Variants in SC5D observed in about 807,000 individuals in gnomAD.
SC5D encodes the protein sterol-C5-desaturase, also known as lathosterol oxidase.
SC5D carries 21 observed loss-of-function variants against 23.9 expected under a neutral mutation model. The ratio of observed to expected loss-of-function variants is 0.88; its 90% CI spans 0.62 to 1.26. The LOEUF is 1.26. SC5D is among the 50% of genes most tolerant of loss of function. SC5D has a pLI of 0.00. For missense variants in SC5D, 309 were observed against 364.8 expected (o/e 0.85, Z 1.25); for synonymous variants, 113 against 125.9 (o/e 0.90, Z 0.68).
At chr11:121,306,788 G>C (rs1947969008) in intron 4 of SC5D, 1 of 618,580 alleles carries the variant, frequency 1.6e-6, no homozygotes, top group African/African-American at 1.8e-5. Context: ...CTCCCTATTG[G>C]GTACAATGTG....
At chr11:121,294,581 C>T (rs1400458009) in intron 1 of SC5D, among the ~76,000 whole-genome samples, 3 of 152,068 alleles carry the variant, frequency 2.0e-5, no homozygotes, top group African/African-American at 7.2e-5. Flanking sequence ...TTACTATCAA[C>T]TACTGTCAGT....
intron 1 of SC5D, among the ~76,000 whole-genome samples, chr11:121,295,393 A>G (rs1045613105): frequency 6.6e-6 from 1 of 152,318 alleles, no homozygotes; most frequent in East Asian, 1.9e-4. Flanking sequence ...CATTATTTTG[A>G]GTCCTTGATT....
chr11:121,297,013 T>G lies in SC5D; in HGVS notation c.-11+4197T>G, dbSNP rs147295259. ...TATATGGAATGATGCTCAACTTTAC[T>G]CATAATAAGGTAAATGCAAATTAAG... On this transcript the variant is annotated intron_variant, in intron 1 of 4. Coordinates refer to ENST00000264027, the MANE Select transcript of SC5D (RefSeq NM_006918.5). Among the ~76,000 whole-genome samples, 518 of 152,332 alleles carry G rather than the reference T, an allele frequency of 3.4e-3. 2 individuals carry two copies. The highest frequency in any genetic ancestry group is 0.011 in the African/African-American group (473 of 41,580).
rs1947998494 is a variant in SC5D at position 121,310,180 on chromosome 11, T to C, written c.*2668T>C. ...GAAAGATGGAAACTAGGGAGATGAC[T>C]GAGAACAAAGATATTTGGGATTAAC... On this transcript the variant is annotated 3_prime_UTR_variant, in exon 5 of 5. Coordinates refer to ENST00000264027, the MANE Select transcript of SC5D (RefSeq NM_006918.5). 6.6e-6 allele frequency among the ~76,000 whole-genome samples: 1 copy of C among 152,182 alleles called. No homozygotes were observed. Among genetic ancestry groups the C allele is most frequent in the Admixed American group, 6.5e-5 (1 of 15,278 alleles).
intron 1 of SC5D, among the ~76,000 whole-genome samples, chr11:121,296,059 C>T (rs73017140): frequency 5.3e-5 from 8 of 152,256 alleles, no homozygotes; most frequent in Admixed American, 2.6e-4. Flanking sequence ...TTTATAGTGA[C>T]GGAGTCTTGC....
At chr11:121,292,949 G>C (rs1237669325) in intron 1 of SC5D, 133 bp downstream of exon 1, 1 of 152,438 alleles carries the variant, frequency 6.6e-6, no homozygotes, top group Non-Finnish European at 1.5e-5. Flanking sequence ...AGGTGTCCTC[G>C]CAGCACGGCT....
chr11:121,302,437 C>T (rs968207345), intron 1 of SC5D, among the ~76,000 whole-genome samples: 2 of 152,146 alleles, frequency 1.3e-5, no homozygotes, highest in African/African-American at 4.8e-5. Flanking sequence ...ACAATATCAC[C>T]GAACTGTATT....
In SC5D at chr11:121,303,572, C is replaced by G. The variant is rs1377640597; in HGVS notation, c.197C>G (p.Pro66Arg). Residue 66 changes from proline (P) to arginine (R), a missense_variant, in exon 2 of 5, where the codon CCA becomes CGA. Transcript: ENST00000264027. ...TTCGATCATGCATTAATGAAACATC[C>G]ACAATTTTTAAAGGTAAGAAATGTT... is the stretch of plus-strand genomic sequence containing the variant. ...FVFDHALMKH[P>R]QFLKNQVRRE... is the part of the protein sequence containing the mutation. 1 of 1,609,074 alleles carries G rather than the reference C, an allele frequency of 6.2e-7. No homozygotes were observed. The highest frequency in any genetic ancestry group is 2.2e-5 in the East Asian group (1 of 44,840).
chr11:121,301,017 G>T (rs1157541840), intron 1 of SC5D, among the ~76,000 whole-genome samples: 1 of 152,156 alleles, frequency 6.6e-6, no homozygotes, highest in Non-Finnish European at 1.5e-5. Flanking sequence ...GGGCGGTGGT[G>T]CATACAATCT....
At position 121,311,756 on chromosome 11, in the gene SC5D, TTAAA is replaced by T. The variant is rs1948012564; in HGVS notation, c.*4248_*4251del. 1.3e-5 allele frequency among the ~76,000 whole-genome samples: 2 copies of T among 152,222 alleles called. No homozygotes were observed. Among genetic ancestry groups the T allele is most frequent in the Admixed American group, 1.3e-4 (2 of 15,282 alleles). Reference sequence around the variant, plus strand: ...TTAAAACACTGCCTATCTAATAAGATTAAATAAGTTAGAAGCATTCAGTTAAATG... The same window carrying T: ...TTAAAACACTGCCTATCTAATAAGATTAAGTTAGAAGCATTCAGTTAAATG... On this transcript the variant is annotated 3_prime_UTR_variant, in exon 5 of 5. Transcript: ENST00000264027.
At position 121,312,551 on chromosome 11, in the gene SC5D, T is replaced by C. The variant is rs1948019037; in HGVS notation, c.*5039T>C. Among the ~76,000 whole-genome samples, 1 of 152,142 alleles carries C rather than the reference T, an allele frequency of 6.6e-6. No homozygotes were observed. Among genetic ancestry groups the C allele is most frequent in the African/African-American group, 2.4e-5 (1 of 41,438 alleles). On this transcript the variant is annotated 3_prime_UTR_variant, in exon 5 of 5. Coordinates refer to ENST00000264027, the MANE Select transcript of SC5D (RefSeq NM_006918.5). ...GTACTTGACAGATTTTTCTAAACAC[T>C]TCACAACTCACGATTCAAACAAAGA...
intron 1 of SC5D, among the ~76,000 whole-genome samples, chr11:121,293,902 G>T (rs539507982): frequency 2.0e-5 from 3 of 152,134 alleles, no homozygotes; most frequent in African/African-American, 4.8e-5. Flanking sequence ...ATCCCAGCTG[G>T]TTTTTTCTGT....
chr11:121,303,982 C>T (rs978568378), intron 2 of SC5D: 2 of 255,372 alleles, frequency 7.8e-6, no homozygotes, highest in Non-Finnish European at 1.5e-5. Context: ...AAGTTGTTTA[C>T]AATCATTTTT....
intron 3 of SC5D, chr11:121,305,813 T>G (rs932464147): frequency 3.2e-5 from 5 of 153,994 alleles, no homozygotes; most frequent in Admixed American, 2.6e-4. Flanking sequence ...GATATGATTA[T>G]GAGTTAAAAT....
At chr11:121,297,476 A>G (rs1254052855) in intron 1 of SC5D, among the ~76,000 whole-genome samples, 2 of 152,246 alleles carry the variant, frequency 1.3e-5, no homozygotes, top group African/African-American at 4.8e-5. Flanking sequence ...TTCGGCTCTC[A>G]AAATCATTTG....
chr11:121,294,843 T>C (rs1947878085), intron 1 of SC5D, among the ~76,000 whole-genome samples: 1 of 152,212 alleles, frequency 6.6e-6, no homozygotes, highest in Admixed American at 6.5e-5. Flanking sequence ...GTGGGGAACA[T>C]GTAGATTGGC....
At chr11:121,305,944 T>G in intron 3 of SC5D, 1 of 191,432 alleles carries the variant, frequency 5.2e-6, no homozygotes. Flanking sequence ...AATACAGGAG[T>G]GATGAGGTTG....
At chr11:121,298,718 C>G (rs867690157) in intron 1 of SC5D, among the ~76,000 whole-genome samples, 17 of 152,230 alleles carry the variant, frequency 1.1e-4, no homozygotes, top group Middle Eastern at 6.8e-3. Flanking sequence ...ATAATTGTCA[C>G]GCACGTCCAT....
chr11:121,306,812 C>G (rs1947969219), intron 4 of SC5D: 1 of 626,740 alleles, frequency 1.6e-6, no homozygotes, highest in South Asian at 1.9e-5. Flanking sequence ...TCTTCAGGTG[C>G]TAGGTACACT....
Sources: gnomAD v4.1 joint callset for allele counts (sites outside exome capture counted in the v4.1 genomes callset) on GRCh38, gnomAD v4.1.1 for gene constraint, MANE v1.5 for transcripts, NCBI Gene and HGNC (gene_info 2026-07-23, HGNC 2026-07-21) for gene names.